Variants in ENAH observed in about 807,000 individuals in gnomAD.
ENAH encodes protein enabled homolog.
A neutral mutation model predicts 78.7 loss-of-function variants in ENAH; 23 were observed. That is an observed-to-expected ratio of 0.29 (90% CI 0.21 to 0.41). The LOEUF is 0.41. Ranked by LOEUF, ENAH falls within the 10% of genes least tolerant of loss-of-function variation. The pLI, the probability that ENAH is intolerant of heterozygous loss-of-function variation, is 1.00. For synonymous variants in ENAH, 226 were observed against 241.0 expected (o/e 0.94, Z 0.58); for missense variants, 544 against 691.0 (o/e 0.79, Z 2.39).
chr1:225,575,231 A>T (rs1381835792), intron 1 of ENAH, among the ~76,000 whole-genome samples: 1 of 152,194 alleles, frequency 6.6e-6, no homozygotes, highest in Non-Finnish European at 1.5e-5. Flanking sequence ...TCAATGCTCA[A>T]AAGCTTTAAT....
intron 11 of ENAH, among the ~76,000 whole-genome samples, chr1:225,507,264 GATGT>G (rs1246306356): frequency 6.6e-6 from 1 of 151,842 alleles, no homozygotes; most frequent in African/African-American, 2.4e-5. Flanking sequence ...CAAATTCAAA[GATGT>G]ATGTTTTATT....
intron 12 of ENAH, 113 bp from the exon 13 acceptor site, chr1:225,498,517 TC>T: frequency 1.5e-6 from 1 of 647,158 alleles, no homozygotes; most frequent in Admixed American, 3.6e-5. Context: ...TTTTTTTGTT[TC>T]CAGAGCCACA....
chr1:225,550,995 A>G (rs1156292622), intron 3 of ENAH, among the ~76,000 whole-genome samples: 4 of 152,208 alleles, frequency 2.6e-5, no homozygotes, highest in Non-Finnish European at 5.9e-5. Flanking sequence ...TTAACTTTGT[A>G]GTTTATATAA....
At chr1:225,591,541 C>T (rs2096876057) in intron 1 of ENAH, among the ~76,000 whole-genome samples, 1 of 149,072 alleles carries the variant, frequency 6.7e-6, no homozygotes, top group South Asian at 2.1e-4. Context: ...CCAAGGTGGG[C>T]GGATCACGAG....
chr1:225,537,617 A>C lies in ENAH; in HGVS notation c.350-6979T>G, dbSNP rs977462553. On this transcript the variant is annotated intron_variant, in intron 3 of 13. Transcript: ENST00000366843. ...CTTATTGTCCAGGTTGAGTAAATTC[A>C]GTAATACGATGTTTTCAGCATACTT... Among the ~76,000 whole-genome samples, 3 of 152,316 alleles carry C rather than the reference A, an allele frequency of 2.0e-5. No homozygotes were observed. The South Asian group carries it at 6.2e-4, about 32-fold the overall frequency.
upstream of ENAH, among the ~76,000 whole-genome samples, chr1:225,653,558 G>A (rs1335480414): frequency 1.3e-5 from 2 of 151,870 alleles, no homozygotes; most frequent in African/African-American, 4.8e-5. This position sits in a 1 kb window ranked among gnomAD's most constrained non-coding sequence, Gnocchi z 4.3. Context: ...CGGCCACGGT[G>A]CGGAGACCGA....
chr1:225,498,288 A>C (rs2151023326), intron 13 of ENAH, 59 bp downstream of exon 13: 1 of 1,379,302 alleles, frequency 7.3e-7, no homozygotes, highest in South Asian at 1.2e-5. Context: ...GCATTTTCTT[A>C]AAAATGGTCA....
At chr1:225,652,037 G>T (rs1663112562) in intron 1 of ENAH, among the ~76,000 whole-genome samples, 1 of 152,034 alleles carries the variant, frequency 6.6e-6, no homozygotes. Context: ...GGGAGAAAAG[G>T]CTTTTCCAAA....
At chr1:225,599,575 G>A (rs527309768) in intron 1 of ENAH, among the ~76,000 whole-genome samples, 57 of 152,124 alleles carry the variant, frequency 3.7e-4, no homozygotes, top group Admixed American at 4.6e-4. Flanking sequence ...GGAGGCTGCG[G>A]TGGGGAGATC....
intron 1 of ENAH, chr1:225,652,424 A>G: frequency 1.0e-6 from 1 of 985,188 alleles, no homozygotes; most frequent in Non-Finnish European, 1.2e-6. Flanking sequence ...TAAATTTAGG[A>G]AGGGAAATCC....
chr1:225,607,407 A>C (rs1458678914), intron 1 of ENAH, among the ~76,000 whole-genome samples: 4 of 152,046 alleles, frequency 2.6e-5, no homozygotes, highest in African/African-American at 9.7e-5. Flanking sequence ...ATTAGAGGTA[A>C]CTGACTTAGT....
At chr1:225,640,218 T>A (rs577496317) in intron 1 of ENAH, among the ~76,000 whole-genome samples, 1 of 152,214 alleles carries the variant, frequency 6.6e-6, no homozygotes, top group African/African-American at 2.4e-5. Flanking sequence ...TTATGTAAAA[T>A]TTTTTAAGCA....
At chr1:225,652,009 A>G (rs756412124) in intron 1 of ENAH, among the ~76,000 whole-genome samples, 5 of 152,196 alleles carry the variant, frequency 3.3e-5, no homozygotes, top group African/African-American at 1.2e-4. Context: ...AATGCAACAC[A>G]GGCTGCTACA....
chr1:225,509,254 G>T (rs990623699), intron 10 of ENAH, among the ~76,000 whole-genome samples: 2 of 152,136 alleles, frequency 1.3e-5, no homozygotes, highest in African/African-American at 4.8e-5. Flanking sequence ...AGTCCTGAAT[G>T]AAACTGAGGG....
chr1:225,641,009 G>A (rs1344269014), intron 1 of ENAH, among the ~76,000 whole-genome samples: 2 of 150,336 alleles, frequency 1.3e-5, no homozygotes, highest in South Asian at 2.1e-4. Context: ...GACTACAGGC[G>A]CCCGCCACCA....
chr1:225,616,405 G>A (rs1430043203), intron 1 of ENAH, among the ~76,000 whole-genome samples: 3 of 151,060 alleles, frequency 2.0e-5, no homozygotes, highest in Non-Finnish European at 4.4e-5. Context: ...ACTCACTGGT[G>A]ACAATATGTC....
At chr1:225,569,125 C>T (rs986209240) in intron 1 of ENAH, among the ~76,000 whole-genome samples, 5 of 152,168 alleles carry the variant, frequency 3.3e-5, no homozygotes, top group African/African-American at 1.2e-4. Flanking sequence ...TTACATAACC[C>T]TATGGAAAGA....
At chr1:225,502,567 C>A (rs1405949968) in intron 11 of ENAH, among the ~76,000 whole-genome samples, 1 of 152,092 alleles carries the variant, frequency 6.6e-6, no homozygotes, top group Non-Finnish European at 1.5e-5. Flanking sequence ...GGAAGCAAGT[C>A]GTCCAATTTT....
rs1391982934 is a variant in ENAH at position 225,496,525 on chromosome 1, C to G, written c.*1250G>C. 6.6e-6 allele frequency: 1 copy of G among 152,528 alleles called. No homozygotes were observed. The highest frequency in any genetic ancestry group is 6.5e-5 in the Admixed American group (1 of 15,272). 9.4% of individuals were successfully genotyped at this position (152,528 alleles called of 1,614,324 possible). ...ACGTATCTAAACACCTGTGTAACAG[C>G]GGGGGTACCTAGGTAATAATAACTG... On this transcript the variant is annotated 3_prime_UTR_variant, in exon 14 of 14. Transcript: ENST00000366843.
Sources: gnomAD v4.1 joint callset for allele counts (sites outside exome capture counted in the v4.1 genomes callset) on GRCh38, gnomAD v4.1.1 for gene constraint, Gnocchi (gnomAD v3.1) non-coding constraint, MANE v1.5 for transcripts, NCBI Gene and HGNC (gene_info 2026-07-23, HGNC 2026-07-21) for gene names.